The following ARHGAP10 variants were observed in gnomAD, a reference collection of about 807,000 sequenced individuals.
ARHGAP10 encodes the protein Rho GTPase activating protein 10.
In ARHGAP10, 87 loss-of-function variants were observed where a neutral mutation model predicts 108.6. The ratio of observed to expected loss-of-function variants is 0.80; its 90% CI spans 0.67 to 0.96. ARHGAP10 has a LOEUF of 0.96. Ranked by LOEUF, ARHGAP10 falls within the 40% of genes least tolerant of loss-of-function variation. ARHGAP10 has a pLI of 0.00. For missense variants in ARHGAP10, 939 were observed against 954.5 expected (o/e 0.98, Z 0.21); for synonymous variants, 347 against 341.1 (o/e 1.02, Z -0.19).
chr4:148,049,838 GGC>G (rs1729049360), intron 20 of ARHGAP10, among the ~76,000 whole-genome samples: 1 of 80,516 alleles, frequency 1.2e-5, no homozygotes, highest in African/African-American at 9.1e-5. Context: ...TGGGTGGGGG[GGC>G]GGGGGGCGGG....
chr4:147,924,039 A>T (rs906125), intron 13 of ARHGAP10, among the ~76,000 whole-genome samples: 76,322 of 152,134 alleles, frequency 0.5, 22,713 homozygotes, highest in Non-Finnish European at 0.67. Flanking sequence ...AATAGAGGAC[A>T]GTCTTCTGTG....
chr4:147,906,633 T>G lies in ARHGAP10; in HGVS notation c.1035-5T>G. The stretch of plus-strand genomic sequence containing the variant: ...GTAACCTGATATGTTACTGGTGTCT[T>G]TCAGGCCTGGCGTTTCCTTGACCAT... On this transcript the variant is annotated splice_region_variant and splice_polypyrimidine_tract_variant and intron_variant, in intron 10 of 22. Transcript: ENST00000336498. 1 of 1,614,106 alleles carries G rather than the reference T, an allele frequency of 6.2e-7. No individual in the cohort carries two copies. The highest frequency in any genetic ancestry group is 8.5e-7 in the Non-Finnish European group (1 of 1,179,980).
chr4:147,818,355 C>T (rs755335990), intron 1 of ARHGAP10, among the ~76,000 whole-genome samples: 2 of 151,770 alleles, frequency 1.3e-5, no homozygotes, highest in African/African-American at 2.4e-5. Context: ...CACCTGAGGT[C>T]GGGAGTTCAA....
chr4:147,936,034 T>C (rs1157957879), intron 13 of ARHGAP10, among the ~76,000 whole-genome samples: 1 of 152,158 alleles, frequency 6.6e-6, no homozygotes, highest in African/African-American at 2.4e-5. Flanking sequence ...TTCAGGCCGT[T>C]TTCACAGAGG....
chr4:148,020,099 T>G (rs1290228387), intron 18 of ARHGAP10, among the ~76,000 whole-genome samples: 1 of 152,122 alleles, frequency 6.6e-6, no homozygotes, highest in Admixed American at 6.6e-5. Context: ...GCTCAAAAGT[T>G]TCAGATTTTG....
At chr4:148,070,776 C>T (rs758906994) in intron 22 of ARHGAP10, among the ~76,000 whole-genome samples, 18 of 152,104 alleles carry the variant, frequency 1.2e-4, no homozygotes, top group Non-Finnish European at 2.6e-4. Flanking sequence ...CGAGTTGGTC[C>T]GCTGGAGTAG....
chr4:147,879,332 G>A lies in ARHGAP10; in HGVS notation c.933G>A (p.Gly311=). The A allele has an allele frequency of 6.2e-7, 1 of 1,612,510 alleles. No individual in the cohort carries two copies. Among genetic ancestry groups the A allele is most frequent in the Non-Finnish European group, 8.5e-7 (1 of 1,179,078 alleles). ...NMIPFEHRSG[G]KLGDGEVFFL... ...TCCCATTTGAGCACAGATCTGGAGG[G>A]AAACTTGTAAGTATTTGATTCAACA... The change falls in exon 9 of 23, where the codon GGG becomes GGA. Residue 311 remains glycine, a synonymous_variant. Coordinates refer to ENST00000336498, the MANE Select transcript of ARHGAP10 (RefSeq NM_024605.4).
chr4:147,791,550 G>A (rs906169501), intron 1 of ARHGAP10, among the ~76,000 whole-genome samples: 3 of 151,914 alleles, frequency 2.0e-5, no homozygotes, highest in Admixed American at 6.6e-5. Context: ...GCGTGCGTGC[G>A]CGCGTGTATA....
intron 1 of ARHGAP10, among the ~76,000 whole-genome samples, chr4:147,743,567 C>G (rs1342035947): frequency 6.6e-6 from 1 of 151,978 alleles, no homozygotes; most frequent in South Asian, 2.1e-4. Flanking sequence ...CACCTGAGGT[C>G]GGGAGTTGGA....
intron 1 of ARHGAP10, among the ~76,000 whole-genome samples, chr4:147,816,704 T>A (rs1732262811): frequency 6.6e-6 from 1 of 152,234 alleles, no homozygotes; most frequent in East Asian, 1.9e-4. Flanking sequence ...TTTGCTTTAT[T>A]TTTTAACCTG....
rs539017019 is a variant in ARHGAP10 at position 147,970,431 on chromosome 4, G to C, written c.1716+3592G>C. On this transcript the variant is annotated intron_variant, in intron 18 of 22. Coordinates refer to ENST00000336498, the MANE Select transcript of ARHGAP10 (RefSeq NM_024605.4). ...ACATTACAGTAATGGATGGCGGTGG[G>C]GGGAGGGTGCAAAAAAGGAAGGTTA... is the stretch of plus-strand genomic sequence containing the variant. Among the ~76,000 whole-genome samples the C allele has an allele frequency of 2.6e-5, 4 of 152,140 alleles. No individual in the cohort carries two copies. The East Asian group carries it at 7.8e-4, about 29-fold the overall frequency.
chr4:147,801,707 C>A (rs1731588515), intron 1 of ARHGAP10, among the ~76,000 whole-genome samples: 1 of 152,172 alleles, frequency 6.6e-6, no homozygotes, highest in Non-Finnish European at 1.5e-5. Flanking sequence ...GTGGCACCAC[C>A]CAAGCGAATT....
At chr4:147,752,818 C>T (rs1729216380) in intron 1 of ARHGAP10, among the ~76,000 whole-genome samples, 2 of 152,248 alleles carry the variant, frequency 1.3e-5, no homozygotes, top group Non-Finnish European at 2.9e-5. Context: ...TGAGCTGCCG[C>T]ACCTGGCCTG....
chr4:147,875,081 C>G lies in ARHGAP10; in HGVS notation c.763C>G (p.Gln255Glu). 1 of 1,609,608 alleles carries G rather than the reference C, an allele frequency of 6.2e-7. No individual in the cohort carries two copies. The highest frequency in any genetic ancestry group is 1.1e-5 in the South Asian group (1 of 89,862). ...GGAAGAGCTCATGAACAAAATCAGA[C>G]AGAATCCCAAGGACCACAAACGAGC... ...EVEELMNKIRQNPKDHKRASQ... is the reference protein window; with the variant it reads ...EVEELMNKIRENPKDHKRASQ... The change falls in exon 8 of 23, where the codon CAG (glutamine) becomes GAG (glutamate). Residue 255 changes from glutamine to glutamate, a missense_variant. By Grantham distance (29) the Gln-to-Glu change is conservative. Transcript: ENST00000336498.
intron 20 of ARHGAP10, among the ~76,000 whole-genome samples, chr4:148,049,351 G>T (rs958478707): frequency 6.6e-6 from 1 of 152,200 alleles, no homozygotes; most frequent in African/African-American, 2.4e-5. Flanking sequence ...CCTGCCTCCA[G>T]GGCTGTGCTG....
chr4:148,026,455 C>T (rs1337720496), intron 19 of ARHGAP10, among the ~76,000 whole-genome samples: 1 of 152,162 alleles, frequency 6.6e-6, no homozygotes, highest in Non-Finnish European at 1.5e-5. Context: ...ACTAAATAAA[C>T]CGAGTGTCTT....
At chr4:147,757,287 C>G (rs930618081) in intron 1 of ARHGAP10, among the ~76,000 whole-genome samples, 5 of 151,196 alleles carry the variant, frequency 3.3e-5, no homozygotes, top group Non-Finnish European at 7.4e-5. Context: ...CTCTGCCTCC[C>G]GTGTTCAAGC....
chr4:147,810,524 A>G (rs557099574), intron 1 of ARHGAP10, among the ~76,000 whole-genome samples: 1 of 152,334 alleles, frequency 6.6e-6, no homozygotes, highest in South Asian at 2.1e-4. Flanking sequence ...TAACCATCTG[A>G]ACGTTTACAT....
At chr4:147,743,777 C>CA (rs781549762) in intron 1 of ARHGAP10, among the ~76,000 whole-genome samples, 10 of 151,742 alleles carry the variant, frequency 6.6e-5, no homozygotes, top group Non-Finnish European at 1.2e-4. Flanking sequence ...AACTCCTTCT[C>CA]AAAAAAATAA....
Sources: allele counts gnomAD v4.1 joint callset (sites outside exome capture counted in the v4.1 genomes callset), GRCh38; gene constraint gnomAD v4.1.1; transcripts MANE v1.5; gene names NCBI Gene and HGNC (gene_info 2026-07-23, HGNC 2026-07-21).